PHC1: variants seen among roughly 807,000 people sequenced by gnomAD.
The protein encoded by PHC1 is polyhomeotic-like protein 1.
A neutral mutation model predicts 104.3 loss-of-function variants in PHC1; 12 were observed. That is an observed-to-expected ratio of 0.12 (90% CI 0.07 to 0.19). The LOEUF is 0.19. Among genes scored for constraint, PHC1 ranks in the 10% least tolerant of loss-of-function variants. The pLI, the probability that PHC1 is intolerant of heterozygous loss-of-function variation, is 1.00. For synonymous variants in PHC1, 302 were observed against 455.8 expected (o/e 0.66, Z 4.30); for missense variants, 671 against 1,200.0 (o/e 0.56, Z 6.51).
intron 6 of PHC1, among the ~76,000 whole-genome samples, chr12:8,925,927 C>T (rs972463390): frequency 2.0e-5 from 3 of 152,002 alleles, no homozygotes; most frequent in Non-Finnish European, 2.9e-5. Flanking sequence ...AAGGGACAGA[C>T]GATGTTCATA....
At chr12:8,927,256 ATGAGTTTGAGGGGTGTGAATGGC>A (rs1945541725) in intron 6 of PHC1, among the ~76,000 whole-genome samples, 1 of 152,108 alleles carries the variant, frequency 6.6e-6, no homozygotes, top group Non-Finnish European at 1.5e-5. Context: ...CCAAAGTAGT[ATGAGTTTGAGGGGTGTGAATGGC>A]TGGTGGGAAT....
chr12:8,921,702 C>G lies in PHC1; in HGVS notation c.408C>G (p.Asn136Lys). ...TTLTQSVLLGNTTSPPLNQSQ... is the reference protein window; with the variant it reads ...TTLTQSVLLGKTTSPPLNQSQ... ...TGACCCAATCTGTGCTACTGGGGAA[C>G]ACCACCTCCCCACCCCTCAACCAGT... The change falls in exon 5 of 15, where the codon AAC (asparagine) becomes AAG (lysine). Residue 136 changes from asparagine (N) to lysine (K), a missense_variant. By Grantham distance (94) the Asn-to-Lys change is moderately conservative (BLOSUM62 0). Around this residue, in one of 9 missense-constraint regions of PHC1, gnomAD observed 237 missense variants for 331.1 expected, o/e 0.72. Transcript: ENST00000544916. 1 of 1,612,944 alleles carries G rather than the reference C, an allele frequency of 6.2e-7. No individual in the cohort carries two copies. Among genetic ancestry groups the G allele is most frequent in the Non-Finnish European group, 8.5e-7 (1 of 1,179,328 alleles).
At chr12:8,925,338 G>A (rs753471435) in intron 6 of PHC1, among the ~76,000 whole-genome samples, 10 of 152,280 alleles carry the variant, frequency 6.6e-5, no homozygotes, top group East Asian at 3.9e-4. Context: ...ATTCCTTAGC[G>A]TTGGATGCCC....
chr12:8,925,816 G>A (rs1164712814), intron 6 of PHC1, among the ~76,000 whole-genome samples: 1 of 152,134 alleles, frequency 6.6e-6, no homozygotes, highest in East Asian at 1.9e-4. Flanking sequence ...ATGTATTTTT[G>A]TTTTGTTTTG....
chr12:8,921,483 G>A (rs1285046993), intron 4 of PHC1, 118 bp from the exon 5 acceptor site: 16 of 877,754 alleles, frequency 1.8e-5, no homozygotes, highest in East Asian at 1.6e-4. Flanking sequence ...TATTTCCCCC[G>A]GCTCCATGAA....
In PHC1 at chr12:8,921,761, G is replaced by A; in HGVS notation, c.456+11G>A. 1 of 1,582,988 alleles carries A rather than the reference G, an allele frequency of 6.3e-7. No homozygotes were observed. Among genetic ancestry groups the A allele is most frequent in the South Asian group, 1.2e-5 (1 of 86,044 alleles). Reference sequence around the variant, plus strand: ...CAGATGTATCTACGGGTAAGCCACAGATGCAGTCACCATTGCCCCAGAGGC... The same window carrying A: ...CAGATGTATCTACGGGTAAGCCACAAATGCAGTCACCATTGCCCCAGAGGC... On this transcript the variant is annotated intron_variant, in intron 5 of 14. Coordinates refer to ENST00000544916, the MANE Select transcript of PHC1 (RefSeq NM_004426.3).
intron 10 of PHC1, among the ~76,000 whole-genome samples, chr12:8,934,831 C>G (rs1039755216): frequency 5.9e-5 from 9 of 152,090 alleles, no homozygotes; most frequent in Non-Finnish European, 1.0e-4. Context: ...AGTGCATTCT[C>G]AGCACCATAG....
chr12:8,933,790 A>G (rs1192506490), intron 8 of PHC1, 75 bp from the exon 9 acceptor site: 6 of 1,281,480 alleles, frequency 4.7e-6, no homozygotes, highest in Admixed American at 2.1e-5. Flanking sequence ...TTCTTTGAAC[A>G]TATGGTAATA....
At chr12:8,931,556 C>T (rs928813885) in intron 7 of PHC1, among the ~76,000 whole-genome samples, 7 of 152,198 alleles carry the variant, frequency 4.6e-5, no homozygotes, top group South Asian at 2.1e-4. Flanking sequence ...AAAAATTAGC[C>T]GGGCGTAGTG....
chr12:8,934,572 A>G, intron 10 of PHC1, 94 bp downstream of exon 10: 1 of 819,028 alleles, frequency 1.2e-6, no homozygotes, highest in Non-Finnish European at 1.9e-6. Flanking sequence ...GCACAGAACT[A>G]TTTAATGAAA....
chr12:8,915,992 A>G (rs1458915223), intron 1 of PHC1: 1 of 154,364 alleles, frequency 6.5e-6, no homozygotes, highest in African/African-American at 2.4e-5. Flanking sequence ...TAAATCCAGT[A>G]ATCTATAAAA....
chr12:8,917,014 T>G (rs978893852), intron 1 of PHC1, among the ~76,000 whole-genome samples: 3 of 152,226 alleles, frequency 2.0e-5, no homozygotes, highest in African/African-American at 7.2e-5. Flanking sequence ...GACACTGCCT[T>G]AATTACAGTT....
chr12:8,935,784 G>A (rs1047936332), intron 11 of PHC1, among the ~76,000 whole-genome samples: 14 of 152,014 alleles, frequency 9.2e-5, no homozygotes, highest in African/African-American at 3.4e-4. Flanking sequence ...TTTTGAGACG[G>A]AGTTTCGCTC....
intron 14 of PHC1, 51 bp from the exon 15 acceptor site, chr12:8,939,254 C>T: frequency 6.2e-7 from 1 of 1,606,806 alleles, no homozygotes; most frequent in Non-Finnish European, 8.5e-7. Flanking sequence ...CATTTAGCTT[C>T]CCTTCTCCTA....
At chr12:8,924,870 G>C (rs982941465) in intron 6 of PHC1, among the ~76,000 whole-genome samples, 6 of 152,146 alleles carry the variant, frequency 3.9e-5, no homozygotes, top group Non-Finnish European at 7.3e-5. Context: ...ACTATAGGGA[G>C]AATAACTGTT....
chr12:8,930,958 C>T (rs749623889), intron 7 of PHC1, 31 bp downstream of exon 7: 1 of 1,559,550 alleles, frequency 6.4e-7, no homozygotes, highest in Admixed American at 2.1e-5. Context: ...TCATTATTCT[C>T]TCAGAATTCA....
chr12:8,936,890 G>A lies in PHC1; in HGVS notation c.2403G>A (p.Glu801=). The A allele has an allele frequency of 6.2e-7, 1 of 1,612,590 alleles. No individual in the cohort carries two copies. Among genetic ancestry groups the A allele is most frequent in the Non-Finnish European group, 8.5e-7 (1 of 1,178,696 alleles). The change falls in exon 12 of 15, where the codon GAG becomes GAA. Residue 801 remains glutamate, a synonymous_variant. Coordinates refer to ENST00000544916, the MANE Select transcript of PHC1 (RefSeq NM_004426.3). ...AGAAGGCGAATCTCCTGAAGTGCGAGTACTGTGGGAAGTACGCCCCCGCAG... is the reference window on the plus strand; with the variant it reads ...AGAAGGCGAATCTCCTGAAGTGCGAATACTGTGGGAAGTACGCCCCCGCAG... The part of the protein sequence containing the change: ...LDKKANLLKC[E]YCGKYAPAEQ...
chr12:8,938,133 GA>G (rs1945895333), intron 14 of PHC1, 73 bp downstream of exon 14: 8 of 972,408 alleles, frequency 8.2e-6, no homozygotes, highest in African/African-American at 1.6e-5. Context: ...TGATAAGAGG[GA>G]AAGTAATTGA....
rs747388984 is a variant in PHC1, at chr12:8,933,948, T to A, written c.1977T>A (p.Leu659=). 1.9e-6 allele frequency: 3 copies of A among 1,613,762 alleles called. No individual in the cohort carries two copies. Among genetic ancestry groups the A allele is most frequent in the Non-Finnish European group, 2.5e-6 (3 of 1,179,638 alleles). Residue 659 remains leucine, a synonymous_variant, in exon 9 of 15, where the codon CTT becomes CTA. Coordinates refer to ENST00000544916, the MANE Select transcript of PHC1 (RefSeq NM_004426.3). Reference sequence around the variant, plus strand: ...ATGTCTCCACATTGGGTTCAATGCTTCCTGCCAAGGCATCTCCAGTAGCAG... The same window carrying A: ...ATGTCTCCACATTGGGTTCAATGCTACCTGCCAAGGCATCTCCAGTAGCAG... ...RDDVSTLGSM[L]PAKASPVAES... is the part of the protein sequence containing the mutation.
Sources: gnomAD v4.1 joint callset for allele counts (sites outside exome capture counted in the v4.1 genomes callset) on GRCh38, gnomAD v4.1.1 for gene constraint, gnomAD v4.1.1 regional missense constraint, MANE v1.5 for transcripts, NCBI Gene and HGNC (gene_info 2026-07-23, HGNC 2026-07-21) for gene names.